The following TMEM67 variants were observed in gnomAD, a reference collection of about 807,000 sequenced individuals.
The protein encoded by TMEM67 is meckelin.
TMEM67 carries 124 observed loss-of-function variants against 136.6 expected under a neutral mutation model. The observed-to-expected ratio is 0.91, with a 90% confidence interval of 0.78 to 1.05. The LOEUF (loss-of-function observed/expected upper bound fraction) is 1.05. Among genes scored for constraint, TMEM67 ranks in the 50% least tolerant of loss-of-function variants. The probability of loss-of-function intolerance (pLI) is 0.00; values close to 1 mark genes in which losing one functional copy is unlikely to be tolerated. For synonymous variants in TMEM67, 364 were observed against 390.5 expected, an observed-to-expected ratio of 0.93 and a Z score of 0.80; for missense variants, 1,107 against 1,178.4, an observed-to-expected ratio of 0.94 and a Z score of 0.89.
chr8:93,792,840 G>C (rs1748377917), intron 15 of TMEM67, among the ~76,000 whole-genome samples: 1 of 146,164 alleles, frequency 6.8e-6, no homozygotes, highest in Non-Finnish European at 1.5e-5. Context: ...GCGCGATCTT[G>C]GTGGCTCACT....
Position 93,777,486 on chromosome 8 carries a change from A to C in TMEM67, c.715-3107A>C, listed in dbSNP as rs184612975. 1.9e-4 allele frequency among the ~76,000 whole-genome samples: 29 copies of C among 152,288 alleles called. No homozygotes were observed. The East Asian group carries it at 5.4e-3, about 28-fold the overall frequency. ...ATCTTTCCTGCTTTCTTATGTGGGCATTTAGTGCTGTAAATTTCCCTCTAT... is the reference window on the plus strand; with the variant it reads ...ATCTTTCCTGCTTTCTTATGTGGGCCTTTAGTGCTGTAAATTTCCCTCTAT... On this transcript the variant is annotated intron_variant, in intron 7 of 27. Transcript: ENST00000453321.
In TMEM67 at chr8:93,797,119, A is replaced by G; in HGVS notation, c.1861-15A>G. The G allele has an allele frequency of 6.7e-7, 1 of 1,496,876 alleles. No individual in the cohort carries two copies. The highest frequency in any genetic ancestry group is 2.3e-5 in the East Asian group (1 of 44,220). The allele number at this position is 1,496,876 out of a possible 1,614,324, so 92.7% of individuals were successfully genotyped here. ...CTGGTACTTTTTCAGGTGTTTTATTATATGTCATTCTCAGGCACTACAATT... is the reference window on the plus strand; with the variant it reads ...CTGGTACTTTTTCAGGTGTTTTATTGTATGTCATTCTCAGGCACTACAATT... On this transcript the variant is annotated splice_polypyrimidine_tract_variant and intron_variant, in intron 18 of 27. Coordinates refer to ENST00000453321, the MANE Select transcript of TMEM67 (RefSeq NM_153704.6).
At chr8:93,781,766 G>T (rs201031962) in intron 10 of TMEM67, 22 bp downstream of exon 10, 5 of 1,429,546 alleles carry the variant, frequency 3.5e-6, no homozygotes, top group East Asian at 2.3e-5. Context: ...TCTAGTTAAA[G>T]AATTAATAAC....
chr8:93,792,950 T>G (rs1206780377), intron 15 of TMEM67, among the ~76,000 whole-genome samples: 1 of 151,990 alleles, frequency 6.6e-6, no homozygotes, highest in African/African-American at 2.4e-5. Context: ...TTTTTTGTAT[T>G]TTTAGTAGAG....
At chr8:93,805,609 A>G (rs1324393870) in intron 23 of TMEM67, among the ~76,000 whole-genome samples, 1 of 151,332 alleles carries the variant, frequency 6.6e-6, no homozygotes, top group Non-Finnish European at 1.5e-5. Flanking sequence ...GAAAGTTGCT[A>G]GGGACCAACT....
At chr8:93,820,122 C>T (rs1266062045), downstream of TMEM67, among the ~76,000 whole-genome samples, 1 of 152,166 alleles carries the variant, frequency 6.6e-6, no homozygotes, top group South Asian at 2.1e-4. Context: ...TCCTCAGAAA[C>T]TCCAGTAAGC....
At position 93,797,335 on chromosome 8, in the gene TMEM67, G is replaced by C. The variant is rs747114960; in HGVS notation, c.1965G>C (p.Glu655Asp). 14 of 1,614,120 alleles carry C rather than the reference G, an allele frequency of 8.7e-6. No homozygotes were observed. The South Asian group carries it at 1.5e-4, about 18-fold the overall frequency. Residue 655 changes from glutamate to aspartate, a missense_variant, in exon 20 of 28, where the codon GAG becomes GAC. By Grantham distance (45) the Glu-to-Asp change is conservative (BLOSUM62 2). This residue lies in a region of TMEM67 where 925 missense variants were observed against 1,002.4 expected (regional missense o/e 0.92). Coordinates refer to ENST00000453321, the MANE Select transcript of TMEM67 (RefSeq NM_153704.6). ...KGKVLKAVEG[E>D]GGVRSATVPV... ...TCATTTTATTTTCCTGACCAGGTGAGGGTGGTGTACGAAGTGCCACTGTTC... is the reference window on the plus strand; with the variant it reads ...TCATTTTATTTTCCTGACCAGGTGACGGTGGTGTACGAAGTGCCACTGTTC...
At chr8:93,775,366 A>G (rs1035353437) in intron 7 of TMEM67, among the ~76,000 whole-genome samples, 1 of 152,048 alleles carries the variant, frequency 6.6e-6, no homozygotes, top group Admixed American at 6.5e-5. Flanking sequence ...ATTAGATCCA[A>G]TTTGTCTATT....
At chr8:93,763,707 T>C in intron 3 of TMEM67, 135 bp from the exon 4 acceptor site, 1 of 670,464 alleles carries the variant, frequency 1.5e-6, no homozygotes, top group South Asian at 1.7e-5. Context: ...TTGTTATGCC[T>C]TTAATGCAAA....
In TMEM67 at chr8:93,807,819, A is replaced by ACCT. The variant is rs1469542262; in HGVS notation, c.2440-1021_2440-1020insCCT. Among the ~76,000 whole-genome samples the ACCT allele has an allele frequency of 3.9e-5, 6 of 152,162 alleles. No homozygotes were observed. The East Asian group carries it at 1.2e-3, about 29-fold the overall frequency. On this transcript the variant is annotated intron_variant, in intron 23 of 27. Coordinates refer to ENST00000453321, the MANE Select transcript of TMEM67 (RefSeq NM_153704.6). Reference sequence around the variant, plus strand: ...ATATTAACCTGTGGAGTAGGTAGACAGGCTTTATGAAGGCCAGAGAACTTG... The same window carrying ACCT: ...ATATTAACCTGTGGAGTAGGTAGACACCTGGCTTTATGAAGGCCAGAGAACTTG...
intron 26 of TMEM67, among the ~76,000 whole-genome samples, chr8:93,813,979 T>C (rs1808799885): frequency 6.6e-6 from 1 of 152,202 alleles, no homozygotes; most frequent in Non-Finnish European, 1.5e-5. Context: ...AATATACCCC[T>C]GTAACTAGTA....
At position 93,782,574 on chromosome 8, in the gene TMEM67, T is replaced by G. The variant is rs868221215; in HGVS notation, c.1131+114T>G. On this transcript the variant is annotated intron_variant, in intron 11 of 27. Transcript: ENST00000453321. ...GATTGGAAATTTTTTATTCTTGGTTTTTTTTTTTTTTTTTTTGAGATGGAG... is the reference window on the plus strand; with the variant it reads ...GATTGGAAATTTTTTATTCTTGGTTGTTTTTTTTTTTTTTTTGAGATGGAG... 8.7e-4 allele frequency: 539 copies of G among 618,336 alleles called. 1 individual carries two copies. The highest frequency in any genetic ancestry group is 6.7e-3 in the Middle Eastern group (13 of 1,928). The allele number at this position is 618,336 out of a possible 1,614,324, so 38.3% of individuals were successfully genotyped here.
intron 6 of TMEM67, among the ~76,000 whole-genome samples, chr8:93,769,863 A>T (rs1464380030): frequency 6.6e-6 from 1 of 152,214 alleles, no homozygotes; most frequent in Admixed American, 6.5e-5. Context: ...CATTCTTCCT[A>T]ATTGGAAAAG....
chr8:93,797,262 A>G (rs1814662050), intron 19 of TMEM67, 29 bp downstream of exon 19: 3 of 1,612,688 alleles, frequency 1.9e-6, no homozygotes, highest in Non-Finnish European at 2.5e-6. Context: ...ATTTGTACCA[A>G]AATTCTTTTG....
chr8:93,779,855 A>C (rs1020667752), intron 7 of TMEM67, among the ~76,000 whole-genome samples: 1 of 152,172 alleles, frequency 6.6e-6, no homozygotes, highest in African/African-American at 2.4e-5. Context: ...GAGGCAGTCT[A>C]TCCATTCTCT....
chr8:93,808,068 T>G (rs998001624), intron 23 of TMEM67, among the ~76,000 whole-genome samples: 5 of 151,458 alleles, frequency 3.3e-5, no homozygotes, highest in Non-Finnish European at 7.4e-5. Context: ...ACTAGTTAAC[T>G]CCAAAGCAAG....
chr8:93,798,978 T>C (rs1017426973), intron 20 of TMEM67, among the ~76,000 whole-genome samples: 1 of 151,544 alleles, frequency 6.6e-6, no homozygotes, highest in Non-Finnish European at 1.5e-5. Flanking sequence ...TGTGTGTGTG[T>C]GTGTGTTTAA....
intron 15 of TMEM67, among the ~76,000 whole-genome samples, chr8:93,791,636 C>T (rs1398240233): frequency 6.6e-6 from 1 of 152,110 alleles, no homozygotes; most frequent in South Asian, 2.1e-4. Flanking sequence ...CTTAGTCTTT[C>T]TTTGTCTTTC....
At chr8:93,763,978 A>C in intron 4 of TMEM67, 37 bp downstream of exon 4, 20 of 1,236,720 alleles carry the variant, frequency 1.6e-5, no homozygotes, top group Non-Finnish European at 2.4e-5. Flanking sequence ...CATTAATATC[A>C]TCTTATATTA....
Sources: gnomAD v4.1 joint callset for allele counts (sites outside exome capture counted in the v4.1 genomes callset) on GRCh38, gnomAD v4.1.1 for gene constraint, gnomAD v4.1.1 regional missense constraint, MANE v1.5 for transcripts, NCBI Gene and HGNC (gene_info 2026-07-23, HGNC 2026-07-21) for gene names.